The following PHTF2 variants were observed in gnomAD, a reference collection of about 807,000 sequenced individuals.
PHTF2 encodes putative homeodomain transcription factor 2, also known as protein PHTF2.
Under a neutral mutation model 101.2 loss-of-function variants are expected in PHTF2, and 60 were observed. The observed-to-expected ratio is 0.59, with a 90% CI of 0.48 to 0.73. The LOEUF (loss-of-function observed/expected upper bound fraction) is 0.73, where lower values mean the gene tolerates loss of function less well. Among genes scored for constraint, PHTF2 ranks in the 30% least tolerant of loss-of-function variants. The pLI is 0.00. For synonymous variants in PHTF2, 311 were observed against 307.3 expected, an observed-to-expected ratio of 1.01 and a Z score of -0.13; for missense variants, 747 against 908.7, an observed-to-expected ratio of 0.82 and a Z score of 2.29.
intron 1 of PHTF2, among the ~76,000 whole-genome samples, chr7:77,808,309 A>G (rs780193734): frequency 5.9e-5 from 9 of 152,192 alleles, no homozygotes; most frequent in Non-Finnish European, 1.0e-4. Flanking sequence ...TTTTCAATCC[A>G]TGAACATGGG....
chr7:77,957,277 G>A (rs1426577042), exon 20 of PHTF2: 2 of 150,986 alleles, frequency 1.3e-5, no homozygotes, highest in Non-Finnish European at 3.0e-5. Flanking sequence ...TGGTAATTTT[G>A]TGTTTACTTA....
intron 1 of PHTF2, among the ~76,000 whole-genome samples, chr7:77,802,104 G>GA (rs2150456498): frequency 6.6e-6 from 1 of 152,330 alleles, no homozygotes; most frequent in African/African-American, 2.4e-5. Context: ...TGTAGGTGGA[G>GA]AAAGAGGGCA....
chr7:77,899,935 T>C (rs1485942950), intron 5 of PHTF2, among the ~76,000 whole-genome samples: 1 of 152,226 alleles, frequency 6.6e-6, no homozygotes, highest in African/African-American at 2.4e-5. Context: ...CTTCCAATTC[T>C]TAACATTCTA....
chr7:77,826,677 G>T (rs934680280), intron 1 of PHTF2, among the ~76,000 whole-genome samples: 1 of 152,196 alleles, frequency 6.6e-6, no homozygotes, highest in African/African-American at 2.4e-5. Context: ...ACATCTAACT[G>T]CAAGAAAGGT....
intron 3 of PHTF2, among the ~76,000 whole-genome samples, chr7:77,881,666 C>A (rs1381617714): frequency 1.3e-5 from 2 of 152,164 alleles, no homozygotes; most frequent in Non-Finnish European, 2.9e-5. Flanking sequence ...CCACTGCACC[C>A]AGCCAAATGG....
At chr7:77,865,301 C>T (rs1328999999) in intron 3 of PHTF2, among the ~76,000 whole-genome samples, 3 of 152,152 alleles carry the variant, frequency 2.0e-5, no homozygotes, top group East Asian at 1.9e-4. Context: ...TCTCAGCTCA[C>T]TGCAACCTCT....
intron 3 of PHTF2, among the ~76,000 whole-genome samples, chr7:77,868,499 A>T (rs990492708): frequency 1.3e-5 from 2 of 152,006 alleles, no homozygotes; most frequent in Admixed American, 6.6e-5. Context: ...AATCATGAAT[A>T]CAAAGAAAAA....
chr7:77,874,794 A>C (rs1046371614), intron 3 of PHTF2, among the ~76,000 whole-genome samples: 1 of 152,200 alleles, frequency 6.6e-6, no homozygotes, highest in Admixed American at 6.5e-5. Context: ...ATTAACCATC[A>C]CATATGTGGT....
intron 3 of PHTF2, among the ~76,000 whole-genome samples, chr7:77,891,609 A>G (rs979436714): frequency 6.6e-6 from 1 of 151,364 alleles, no homozygotes; most frequent in African/African-American, 2.4e-5. Flanking sequence ...TTTTTGTTTG[A>G]GGCAGAATAC....
At chr7:77,840,222 C>T (rs776656483) in exon 2 of PHTF2, 1 of 1,543,164 alleles carries the variant, frequency 6.5e-7, no homozygotes, top group Admixed American at 1.7e-5. Flanking sequence ...CTTGCACAGC[C>T]TAAAATGACC....
intron 1 of PHTF2, 128 bp from the exon 2 acceptor site, chr7:77,840,093 G>T (rs893686930): frequency 6.5e-6 from 3 of 464,890 alleles, no homozygotes; most frequent in Non-Finnish European, 1.2e-5. Context: ...ATGAGGAAGA[G>T]TGTAATATAA....
intron 12 of PHTF2, among the ~76,000 whole-genome samples, chr7:77,937,379 T>G (rs879352984): frequency 1.3e-5 from 2 of 152,198 alleles, no homozygotes; most frequent in Admixed American, 6.5e-5. Context: ...TTAGTATATT[T>G]TTGAACATAG....
intron 11 of PHTF2, among the ~76,000 whole-genome samples, chr7:77,928,373 C>A (rs1483758763): frequency 6.6e-6 from 1 of 151,964 alleles, no homozygotes; most frequent in African/African-American, 2.4e-5. Context: ...TTTTATACCA[C>A]AGATTATCTC....
At chr7:77,928,127 A>G (rs1207590813) in intron 11 of PHTF2, among the ~76,000 whole-genome samples, 1 of 152,210 alleles carries the variant, frequency 6.6e-6, no homozygotes. Flanking sequence ...AAGGAAAGAC[A>G]AAAGGATAAA....
At chr7:77,866,184 C>CAAAA (rs35744441) in intron 3 of PHTF2, among the ~76,000 whole-genome samples, 2 of 82,394 alleles carry the variant, frequency 2.4e-5, no homozygotes, top group African/African-American at 4.1e-5. Context: ...ACTACCTCTC[C>CAAAA]AAAAAAAAAA....
chr7:77,810,798 A>G (rs915006196), intron 1 of PHTF2, among the ~76,000 whole-genome samples: 8 of 152,136 alleles, frequency 5.3e-5, no homozygotes, highest in African/African-American at 1.7e-4. Flanking sequence ...TTGGCCTCCC[A>G]AAGTTCTGGG....
chr7:77,894,037 A>G, intron 5 of PHTF2, 44 bp downstream of exon 4: 1 of 1,447,858 alleles, frequency 6.9e-7, no homozygotes, highest in Non-Finnish European at 9.7e-7. Flanking sequence ...TCCTGTGCAA[A>G]TGCTGGTCTG....
chr7:77,810,965 G>A (rs555195914), intron 1 of PHTF2, among the ~76,000 whole-genome samples: 12 of 151,548 alleles, frequency 7.9e-5, no homozygotes, highest in African/African-American at 2.7e-4. Flanking sequence ...ATGCAATGGC[G>A]CCAGCTTGGC....
At chr7:77,824,876 A>T (rs1359886764) in intron 1 of PHTF2, among the ~76,000 whole-genome samples, 1 of 152,034 alleles carries the variant, frequency 6.6e-6, no homozygotes, top group Non-Finnish European at 1.5e-5. Flanking sequence ...CTACCAAAAA[A>T]AAAAAAACGT....
Sources: gnomAD v4.1 joint callset for allele counts (sites outside exome capture counted in the v4.1 genomes callset) on GRCh38, gnomAD v4.1.1 for gene constraint, MANE v1.5 for transcripts, NCBI Gene and HGNC (gene_info 2026-07-23, HGNC 2026-07-21) for gene names.